Variants in LRP5 observed in about 807,000 individuals in gnomAD.
LRP5 encodes the protein LDL receptor related protein 5.
In LRP5, 62 loss-of-function variants were observed where a neutral mutation model predicts 154.1. The observed-to-expected ratio is 0.40, with a 90% CI of 0.33 to 0.50. LRP5 has a LOEUF of 0.50. Ranked by LOEUF, LRP5 falls within the 20% of genes least tolerant of loss-of-function variation. The pLI is 0.55. For synonymous variants in LRP5, 966 were observed against 1,011.5 expected (o/e 0.96, Z 0.85); for missense variants, 1,915 against 2,336.7 (o/e 0.82, Z 3.72).
chr11:68,376,804 G>A (rs1387881316), intron 5 of LRP5, among the ~76,000 whole-genome samples: 1 of 152,220 alleles, frequency 6.6e-6, no homozygotes, highest in Non-Finnish European at 1.5e-5. Flanking sequence ...GCCTAAAGGG[G>A]GGAGTGTGGC....
chr11:68,399,596 T>G (rs1191282093), intron 7 of LRP5, among the ~76,000 whole-genome samples: 1 of 152,208 alleles, frequency 6.6e-6, no homozygotes, highest in Non-Finnish European at 1.5e-5. Flanking sequence ...CCCCTGTTAT[T>G]TCTGAACTCT....
chr11:68,337,594 T>C (rs1346588675), intron 1 of LRP5, among the ~76,000 whole-genome samples: 1 of 151,676 alleles, frequency 6.6e-6, no homozygotes, highest in Non-Finnish European at 1.5e-5. Flanking sequence ...CCCTTCCTCT[T>C]CTTAGAAGCC....
intron 1 of LRP5, among the ~76,000 whole-genome samples, chr11:68,345,644 C>G (rs2153128132): frequency 6.6e-6 from 1 of 152,300 alleles, no homozygotes; most frequent in African/African-American, 2.4e-5. Flanking sequence ...GTATGCATAT[C>G]TGATTGTGTC....
chr11:68,342,741 C>T (rs892709496), intron 1 of LRP5, among the ~76,000 whole-genome samples: 1 of 152,238 alleles, frequency 6.6e-6, no homozygotes, highest in Non-Finnish European at 1.5e-5. Context: ...CTCCTGGCCT[C>T]CCCCGGTGTG....
chr11:68,425,383 G>T (rs1029792830), intron 15 of LRP5, 91 bp downstream of exon 15: 54 of 1,350,282 alleles, frequency 4.0e-5, no homozygotes, highest in Non-Finnish European at 5.1e-5. Flanking sequence ...GACCTGCCGT[G>T]AGCCCAGTGC....
At chr11:68,312,913 G>A in intron 1 of LRP5, 108 bp downstream of exon 1, 1 of 560,464 alleles carries the variant, frequency 1.8e-6, no homozygotes, top group Non-Finnish European at 2.3e-6. Context: ...GCGACTTGGC[G>A]AGTTGGGAGC....
At chr11:68,377,738 G>A (rs1358000262) in intron 5 of LRP5, among the ~76,000 whole-genome samples, 1 of 152,206 alleles carries the variant, frequency 6.6e-6, no homozygotes, top group Non-Finnish European at 1.5e-5. Context: ...CCAGGAGGTG[G>A]CTCAAGCCCT....
chr11:68,368,352 G>A (rs1380116703), intron 5 of LRP5, among the ~76,000 whole-genome samples: 1 of 152,210 alleles, frequency 6.6e-6, no homozygotes, highest in Non-Finnish European at 1.5e-5. Flanking sequence ...GCAGGTCAGA[G>A]GTCTCTCTCA....
chr11:68,319,610 C>T (rs1468985942), intron 1 of LRP5, among the ~76,000 whole-genome samples: 1 of 152,318 alleles, frequency 6.6e-6, no homozygotes, highest in East Asian at 1.9e-4. Context: ...CCTGCCTCAG[C>T]CTCCTGAGTA....
At chr11:68,303,129 G>GTATTTATT in the LRP5 span, among the ~76,000 whole-genome samples, 1 of 152,132 alleles carries the variant, frequency 6.6e-6, no homozygotes, top group African/African-American at 2.4e-5. Context: ...AGTTATTTAT[G>GTATTTATT]TATTTATTTA....
At chr11:68,325,433 G>C (rs1424222073) in intron 1 of LRP5, among the ~76,000 whole-genome samples, 1 of 152,154 alleles carries the variant, frequency 6.6e-6, no homozygotes. Flanking sequence ...TCTATTCTTG[G>C]CTGCCCACAG....
At chr11:68,366,769 G>C (rs180968064) in intron 5 of LRP5, among the ~76,000 whole-genome samples, 1 of 152,168 alleles carries the variant, frequency 6.6e-6, no homozygotes. Flanking sequence ...TTCCCAAGTC[G>C]GGAGAAGGAG....
chr11:68,442,121 T>C (rs1446464854), intron 21 of LRP5, among the ~76,000 whole-genome samples: 2 of 152,222 alleles, frequency 1.3e-5, no homozygotes, highest in South Asian at 2.1e-4. Context: ...AGCCAGAAGA[T>C]AATTGTAGAT....
At chr11:68,347,127 A>C (rs984304561) in intron 1 of LRP5, among the ~76,000 whole-genome samples, 2 of 152,174 alleles carry the variant, frequency 1.3e-5, no homozygotes, top group Admixed American at 6.5e-5. Context: ...AAGGCCTTGG[A>C]GGCCAGGCTA....
Position 68,443,544 on chromosome 11 carries a change from CATATATATATATATATATAT to C in LRP5, c.4489-2869_4489-2850del, listed in dbSNP as rs1157048489. ...AAATTATCAATCTCCTCTTTTATGG[CATATATATATATATATATAT>C]ATATATATATATATATATATATTTT... On this transcript the variant is annotated intron_variant, in intron 21 of 22. Coordinates refer to ENST00000294304, the MANE Select transcript of LRP5 (RefSeq NM_002335.4). Among the ~76,000 whole-genome samples, 6 of 22,324 alleles carry C rather than the reference CATATATATATATATATATAT, an allele frequency of 2.7e-4. No individual in the cohort carries two copies. The East Asian group carries it at 4.9e-3, about 18-fold the overall frequency. The allele number at this position is 22,324 out of a possible 152,430, so 14.6% of individuals were successfully genotyped here. A position where few individuals can be genotyped will look rare whatever the true frequency, so the allele number is the denominator to read the frequency against.
At chr11:68,383,517 C>T (rs1359723670) in intron 5 of LRP5, among the ~76,000 whole-genome samples, 1 of 152,214 alleles carries the variant, frequency 6.6e-6, no homozygotes. Flanking sequence ...CGGGCATCGC[C>T]AAGCCTGGCT....
At chr11:68,357,543 G>A in intron 2 of LRP5, 107 bp from the exon 3 acceptor site, 1 of 1,069,566 alleles carries the variant, frequency 9.3e-7, no homozygotes, top group Non-Finnish European at 1.4e-6. Flanking sequence ...CGATGGGTGA[G>A]ATTTTAGGGC....
intron 1 of LRP5, among the ~76,000 whole-genome samples, chr11:68,331,878 A>G (rs1273688671): frequency 1.3e-5 from 2 of 152,094 alleles, no homozygotes; most frequent in Admixed American, 1.3e-4. Context: ...GGCAGGTTCC[A>G]GGTTGCATTG....
At chr11:68,376,957 G>A (rs1591249377) in intron 5 of LRP5, among the ~76,000 whole-genome samples, 1 of 152,242 alleles carries the variant, frequency 6.6e-6, no homozygotes, top group Non-Finnish European at 1.5e-5. Flanking sequence ...TCCCTCACCA[G>A]GGTCCCCAGC....
Sources: gnomAD v4.1 joint callset for allele counts (sites outside exome capture counted in the v4.1 genomes callset) on GRCh38, gnomAD v4.1.1 for gene constraint, MANE v1.5 for transcripts, NCBI Gene and HGNC (gene_info 2026-07-23, HGNC 2026-07-21) for gene names.